The following CDH6 variants were observed in gnomAD, a reference collection of about 807,000 sequenced individuals.
CDH6 encodes cadherin-6.
CDH6 carries 31 observed loss-of-function variants against 78.0 expected under a neutral mutation model. The ratio of observed to expected loss-of-function variants is 0.40; its 90% confidence interval spans 0.30 to 0.54. The LOEUF (loss-of-function observed/expected upper bound fraction) is 0.54. CDH6 is among the 20% of genes least tolerant of loss of function. The pLI, the probability that CDH6 is intolerant of heterozygous loss-of-function variation, is 0.56. For synonymous variants in CDH6, 376 were observed against 368.8 expected, an observed-to-expected ratio of 1.02 and a Z score of -0.23; for missense variants, 724 against 975.9, an observed-to-expected ratio of 0.74 and a Z score of 3.44.
intron 5 of CDH6, among the ~76,000 whole-genome samples, chr5:31,300,678 T>C (rs1462368802): frequency 6.6e-6 from 1 of 152,158 alleles, no homozygotes; most frequent in Non-Finnish European, 1.5e-5. Context: ...AACATAAGGA[T>C]TCCCCCGCAC....
At chr5:31,220,310 C>G (rs1031342486) in intron 1 of CDH6, among the ~76,000 whole-genome samples, 3 of 152,152 alleles carry the variant, frequency 2.0e-5, no homozygotes, top group African/African-American at 7.2e-5. Flanking sequence ...GGAAGCAGGA[C>G]CAACTCCAAC....
rs755276733 is a variant in CDH6 at position 31,252,344 on chromosome 5, T to TGTGTGTGTGTGTGC, written c.-128-14994_-128-14993insGTGTGCGTGTGTGT. Among the ~76,000 whole-genome samples the TGTGTGTGTGTGTGC allele has an allele frequency of 3.8e-3, 581 of 152,096 alleles. 1 individual carries two copies. The highest frequency in any genetic ancestry group is 6.8e-3 in the Middle Eastern group (2 of 294). On this transcript the variant is annotated intron_variant, in intron 1 of 11. Transcript: ENST00000265071. ...TGTGTGTGTGGTGTGTGTGTGTGTG[T>TGTGTGTGTGTGTGC]GTGTGTGTATTTTTATTAATCATAA... is the stretch of plus-strand genomic sequence containing the variant.
chr5:31,315,210 T>C (rs1175485484), intron 8 of CDH6, among the ~76,000 whole-genome samples: 1 of 152,172 alleles, frequency 6.6e-6, no homozygotes, highest in Admixed American at 6.5e-5. Flanking sequence ...AATTTCTCTA[T>C]AGCACTTACC....
rs754359810 is a variant in CDH6, at chr5:31,317,912, G to C, written c.1870G>C (p.Val624Leu). The change falls in exon 11 of 12, where the codon GTG (valine) becomes CTG (leucine). Residue 624 changes from valine to leucine, a missense_variant. By Grantham distance (32) the Val-to-Leu change is conservative. Around this residue, in one of 3 missense-constraint regions of CDH6, gnomAD observed 220 missense variants for 240.6 expected, o/e 0.91. Coordinates refer to ENST00000265071, the MANE Select transcript of CDH6 (RefSeq NM_004932.4). ...GALVAILLCI[V>L]ILLVTVVLFA... is the part of the protein sequence containing the mutation. ...TCTGGTTGCCATCCTTCTGTGCATCGTGATCCTACTAGGTAAACTGGTTCT... is the reference window on the plus strand; with the variant it reads ...TCTGGTTGCCATCCTTCTGTGCATCCTGATCCTACTAGGTAAACTGGTTCT... 1.9e-6 allele frequency: 3 copies of C among 1,613,164 alleles called. No individual in the cohort carries two copies. The highest frequency in any genetic ancestry group is 1.7e-5 in the Admixed American group (1 of 60,018).
chr5:31,327,511 G>A lies in CDH6; in HGVS notation c.*4203G>A, dbSNP rs1176050667. ...TGTTTGAATTGTGATATTATAAAAG[G>A]GGACTCAAAAATCCAAGCAGTCTAC... On this transcript the variant is annotated 3_prime_UTR_variant, in exon 12 of 12. Coordinates refer to ENST00000265071, the MANE Select transcript of CDH6 (RefSeq NM_004932.4). The A allele has an allele frequency of 2.1e-5, 4 of 191,396 alleles. No homozygotes were observed. Among genetic ancestry groups the A allele is most frequent in the Admixed American group, 1.2e-4 (2 of 16,248 alleles). 11.9% of individuals were successfully genotyped at this position (191,396 alleles called of 1,614,324 possible).
intron 1 of CDH6, among the ~76,000 whole-genome samples, chr5:31,244,720 C>T (rs762803024): frequency 1.1e-4 from 17 of 152,098 alleles, no homozygotes; most frequent in South Asian, 2.1e-4. Context: ...AGGGCTGCCT[C>T]GAGGAACAAG....
At chr5:31,273,315 G>A (rs904074163) in intron 2 of CDH6, among the ~76,000 whole-genome samples, 1 of 152,142 alleles carries the variant, frequency 6.6e-6, no homozygotes, top group Non-Finnish European at 1.5e-5. Context: ...GATTCAGCGA[G>A]TCTCTGAACC....
At chr5:31,292,217 G>A (rs1737389382) in intron 2 of CDH6, among the ~76,000 whole-genome samples, 2 of 152,082 alleles carry the variant, frequency 1.3e-5, no homozygotes, top group South Asian at 2.1e-4. Flanking sequence ...ACTGGTATGG[G>A]GGATATCGAT....
intron 2 of CDH6, among the ~76,000 whole-genome samples, chr5:31,283,832 T>A (rs56679856): frequency 0.29 from 43,115 of 150,584 alleles, 6,828 homozygotes; most frequent in Admixed American, 0.37. Context: ...TTATTTTTTT[T>A]AAGATGGAGT....
At chr5:31,296,561 A>G (rs1444139307) in intron 3 of CDH6, among the ~76,000 whole-genome samples, 1 of 152,180 alleles carries the variant, frequency 6.6e-6, no homozygotes, top group Non-Finnish European at 1.5e-5. Context: ...GTAATCCATA[A>G]CTACATTCTT....
chr5:31,290,980 C>T (rs550806334), intron 2 of CDH6, among the ~76,000 whole-genome samples: 1 of 152,242 alleles, frequency 6.6e-6, no homozygotes, highest in Non-Finnish European at 1.5e-5. Flanking sequence ...GGTGTTTGTT[C>T]TATAAGTCAT....
rs1561060984 is a variant in CDH6, at chr5:31,292,817, GTGTGCATATATATATATA to G, written c.229-1143_229-1126del. ...TATATGTGTGTGCATATATATATATGTGTGCATATATATATATATATATATATATGTGTGCATATATAT... is the reference window on the plus strand; with the variant it reads ...TATATGTGTGTGCATATATATATATGTATATATATATGTGTGCATATATAT... On this transcript the variant is annotated intron_variant, in intron 2 of 11. Coordinates refer to ENST00000265071, the MANE Select transcript of CDH6 (RefSeq NM_004932.4). Among the ~76,000 whole-genome samples, 204 of 72,036 alleles carry G rather than the reference GTGTGCATATATATATATA, an allele frequency of 2.8e-3. 1 individual carries two copies. In the South Asian group the frequency reaches 0.039, roughly 14 times the overall value. 47.3% of individuals were successfully genotyped at this position (72,036 alleles called of 152,430 possible).
chr5:31,274,780 A>AC (rs1561053436), intron 2 of CDH6, among the ~76,000 whole-genome samples: 9 of 152,238 alleles, frequency 5.9e-5, no homozygotes. Context: ...AGATCTCGCT[A>AC]CTGCACTCCC....
chr5:31,274,468 A>G (rs1033176973), intron 2 of CDH6, among the ~76,000 whole-genome samples: 2 of 152,186 alleles, frequency 1.3e-5, no homozygotes, highest in African/African-American at 4.8e-5. Context: ...TCCGGCTTCC[A>G]TTTCATCATG....
intron 1 of CDH6, among the ~76,000 whole-genome samples, chr5:31,224,969 C>T (rs1741108909): frequency 6.6e-6 from 1 of 152,194 alleles, no homozygotes; most frequent in Admixed American, 6.5e-5. Flanking sequence ...GGTGATTTTG[C>T]TCCCCAGGGA....
At chr5:31,242,503 T>C (rs996369774) in intron 1 of CDH6, among the ~76,000 whole-genome samples, 6 of 152,172 alleles carry the variant, frequency 3.9e-5, no homozygotes, top group Admixed American at 3.9e-4. Context: ...TTGTTGTTGT[T>C]GTTCAGAAGC....
intron 1 of CDH6, among the ~76,000 whole-genome samples, chr5:31,196,611 A>T (rs938518365): frequency 6.6e-6 from 1 of 152,206 alleles, no homozygotes; most frequent in Non-Finnish European, 1.5e-5. Context: ...GTTACCTAAG[A>T]TAAGAGTATA....
At chr5:31,302,950 A>G (rs1450317720) in intron 6 of CDH6, among the ~76,000 whole-genome samples, 39 of 129,978 alleles carry the variant, frequency 3.0e-4, no homozygotes, top group African/African-American at 8.8e-4. Context: ...AAAGAAAGAA[A>G]GAAAGAAGGA....
chr5:31,302,964 A>AAAGAAAGAAAGAAAGAAAAG lies in CDH6; in HGVS notation c.999+668_999+669insGAAAGAAAGAAAGAAAAGAA, dbSNP rs1238222776. Among the ~76,000 whole-genome samples, 5 of 111,680 alleles carry AAAGAAAGAAAGAAAGAAAAG rather than the reference A, an allele frequency of 4.5e-5. 1 individual carries two copies. The highest frequency in any genetic ancestry group is 1.7e-4 in the African/African-American group (5 of 30,166). The allele number at this position is 111,680 out of a possible 152,430, so 73.3% of individuals were successfully genotyped here. A position where few individuals can be genotyped will look rare whatever the true frequency, so the allele number is the denominator to read the frequency against. On this transcript the variant is annotated intron_variant, in intron 6 of 11. Transcript: ENST00000265071. ...GAAAGAAAGAAAGAAAGAAGGAAAG[A>AAAGAAAGAAAGAAAGAAAAG]AAAGAAAGAAAGAAAGAAAGAAAAC...
Sources: allele counts gnomAD v4.1 joint callset (sites outside exome capture counted in the v4.1 genomes callset), GRCh38; gene constraint gnomAD v4.1.1; regional missense constraint gnomAD v4.1.1; transcripts MANE v1.5; gene names NCBI Gene and HGNC (gene_info 2026-07-23, HGNC 2026-07-21).